FRMD4A: variants seen among roughly 807,000 people sequenced by gnomAD.
The protein encoded by FRMD4A is FERM domain-containing protein 4A.
Under a neutral mutation model 129.1 loss-of-function variants are expected in FRMD4A, and 29 were observed. That is an observed-to-expected ratio of 0.22 (90% CI 0.17 to 0.31). FRMD4A has a LOEUF of 0.31. FRMD4A is among the 10% of genes least tolerant of loss of function. The pLI is 1.00. For synonymous variants in FRMD4A, 634 were observed against 571.6 expected (o/e 1.11, Z -1.56); for missense variants, 1,272 against 1,375.8 (o/e 0.92, Z 1.19).
At chr10:14,113,450 A>G (rs1156604153) in intron 2 of FRMD4A, among the ~76,000 whole-genome samples, 1 of 152,192 alleles carries the variant, frequency 6.6e-6, no homozygotes, top group African/African-American at 2.4e-5. Flanking sequence ...TATTGTGAGG[A>G]TAAAGTATAG....
intron 2 of FRMD4A, among the ~76,000 whole-genome samples, chr10:14,051,321 A>T (rs1292121220): frequency 6.6e-6 from 1 of 152,104 alleles, no homozygotes; most frequent in African/African-American, 2.4e-5. Context: ...GAATATTCCA[A>T]CCGTATCTCT....
intron 2 of FRMD4A, among the ~76,000 whole-genome samples, chr10:14,231,351 T>G (rs1286574863): frequency 6.6e-6 from 1 of 151,928 alleles, no homozygotes; most frequent in Admixed American, 6.6e-5. Context: ...TTGTGGTTTT[T>G]TTTTTTTTTG....
intron 4 of FRMD4A, among the ~76,000 whole-genome samples, chr10:13,805,178 C>G (rs2093338853): frequency 6.6e-6 from 1 of 151,508 alleles, no homozygotes; most frequent in Middle Eastern, 3.2e-3. Flanking sequence ...GGGTCTTGCT[C>G]TGTTGCCCAG....
intron 2 of FRMD4A, among the ~76,000 whole-genome samples, chr10:14,144,324 G>C (rs574406870): frequency 2.0e-5 from 3 of 152,260 alleles, no homozygotes; most frequent in African/African-American, 7.2e-5. Flanking sequence ...AAGAGGAGAG[G>C]GGAGTGGAGG....
At chr10:13,859,816 A>G (rs1378203496) in intron 2 of FRMD4A, among the ~76,000 whole-genome samples, 1 of 152,188 alleles carries the variant, frequency 6.6e-6, no homozygotes, top group Admixed American at 6.5e-5. Context: ...AGGCAAATCC[A>G]ACCCCGTCCC....
At chr10:13,783,207 C>T (rs981813162) in intron 5 of FRMD4A, among the ~76,000 whole-genome samples, 13 of 152,328 alleles carry the variant, frequency 8.5e-5, no homozygotes, top group Non-Finnish European at 1.3e-4. Flanking sequence ...CTTAGGGTCA[C>T]GCCTAATGGG....
At chr10:14,094,834 C>T (rs1245386637) in intron 2 of FRMD4A, among the ~76,000 whole-genome samples, 1 of 152,090 alleles carries the variant, frequency 6.6e-6, no homozygotes, top group African/African-American at 2.4e-5. Flanking sequence ...TGCCATTGGC[C>T]CATGTGTGTG....
intron 2 of FRMD4A, among the ~76,000 whole-genome samples, chr10:13,970,385 C>A (rs1187098203): frequency 6.6e-6 from 1 of 152,208 alleles, no homozygotes; most frequent in East Asian, 1.9e-4. Flanking sequence ...TTGGGCACAT[C>A]TTCCAGGGCG....
At chr10:13,736,966 A>G (rs1283627891) in intron 12 of FRMD4A, among the ~76,000 whole-genome samples, 2 of 152,236 alleles carry the variant, frequency 1.3e-5, no homozygotes, top group Non-Finnish European at 2.9e-5. Flanking sequence ...GTTTACAAGG[A>G]CTTTGCAAAC....
intron 8 of FRMD4A, among the ~76,000 whole-genome samples, chr10:13,750,850 A>G (rs1263760553): frequency 1.3e-5 from 2 of 152,182 alleles, no homozygotes; most frequent in African/African-American, 2.4e-5. Context: ...TCCCAAGTAC[A>G]GTCGGTAATT....
At chr10:13,750,113 A>AAAGAAAAG (rs1554880655) in intron 8 of FRMD4A, among the ~76,000 whole-genome samples, 1 of 108,158 alleles carries the variant, frequency 9.2e-6, no homozygotes. Context: ...AGAAATGAAG[A>AAAGAAAAG]AAGAAAGAAA....
intron 2 of FRMD4A, among the ~76,000 whole-genome samples, chr10:14,173,961 T>A (rs898270280): frequency 6.6e-6 from 1 of 151,920 alleles, no homozygotes; most frequent in African/African-American, 2.4e-5. Flanking sequence ...CACAGAGCCT[T>A]TTCTGTCCCT....
intron 2 of FRMD4A, among the ~76,000 whole-genome samples, chr10:14,268,209 C>CA (rs1220061179): frequency 6.6e-6 from 1 of 152,034 alleles, no homozygotes; most frequent in Non-Finnish European, 1.5e-5. Flanking sequence ...TGTTTTGCTT[C>CA]AAATCTAAAA....
At chr10:13,868,901 TC>T (rs1227055903) in intron 2 of FRMD4A, among the ~76,000 whole-genome samples, 2 of 152,322 alleles carry the variant, frequency 1.3e-5, no homozygotes, top group Non-Finnish European at 2.9e-5. Context: ...AGTGAGTGGC[TC>T]TATTAGAAAC....
intron 9 of FRMD4A, among the ~76,000 whole-genome samples, chr10:13,745,882 G>C (rs1264351054): frequency 3.3e-5 from 5 of 152,258 alleles, no homozygotes; most frequent in Admixed American, 2.0e-4. Flanking sequence ...GTGGCACAAG[G>C]AATTAGGGAG....
chr10:14,110,399 G>C lies in FRMD4A; in HGVS notation c.45+219659C>G, dbSNP rs185034140. Among the ~76,000 whole-genome samples, 5 of 152,230 alleles carry C rather than the reference G, an allele frequency of 3.3e-5. No homozygotes were observed. In the East Asian group the frequency reaches 9.6e-4, roughly 29 times the overall value. On this transcript the variant is annotated intron_variant, in intron 2 of 24. Coordinates refer to ENST00000357447, the MANE Select transcript of FRMD4A (RefSeq NM_018027.5). ...GCCCATGATCAAATGTGGAAACGGG[G>C]GTGCTGACACGGACATCCCTGTCTT...
intron 2 of FRMD4A, among the ~76,000 whole-genome samples, chr10:14,004,110 A>G (rs1399224054): frequency 6.6e-6 from 1 of 152,250 alleles, no homozygotes; most frequent in African/African-American, 2.4e-5. Flanking sequence ...CGTGTCTTAC[A>G]TAAAATTGGG....
At position 13,821,150 on chromosome 10, in the gene FRMD4A, G is replaced by A. The variant is rs1246981903; in HGVS notation, c.112-10242C>T. ...GGAAGCTGCTGCGGGGGGTGCATGA[G>A]GTGACTCTGTGCAGCTCTGTCCACT... On this transcript the variant is annotated intron_variant, in intron 3 of 24. Coordinates refer to ENST00000357447, the MANE Select transcript of FRMD4A (RefSeq NM_018027.5). The surrounding 1 kb of genome is among the most constrained non-coding windows in gnomAD (Gnocchi z 4.3). 6.6e-6 allele frequency among the ~76,000 whole-genome samples: 1 copy of A among 152,148 alleles called. No individual in the cohort carries two copies. The highest frequency in any genetic ancestry group is 2.4e-5 in the African/African-American group (1 of 41,438).
chr10:14,295,908 G>A (rs575972284), intron 2 of FRMD4A, among the ~76,000 whole-genome samples: 1 of 152,108 alleles, frequency 6.6e-6, no homozygotes, highest in South Asian at 2.1e-4. Flanking sequence ...TTTAAACGGG[G>A]TCAACATAAA....
Sources: allele counts gnomAD v4.1 joint callset (sites outside exome capture counted in the v4.1 genomes callset), GRCh38; gene constraint gnomAD v4.1.1; non-coding constraint Gnocchi (gnomAD v3.1); transcripts MANE v1.5; gene names NCBI Gene and HGNC (gene_info 2026-07-23, HGNC 2026-07-21).